Variants in PYGB observed in about 807,000 individuals in gnomAD.
The protein encoded by PYGB is glycogen phosphorylase, brain form.
In PYGB, 82 loss-of-function variants were observed where a neutral mutation model predicts 94.3. The ratio of observed to expected loss-of-function variants is 0.87; its 90% CI spans 0.73 to 1.04. PYGB has a LOEUF of 1.04. Among genes scored for constraint, PYGB ranks in the 50% least tolerant of loss-of-function variants. PYGB has a pLI of 0.00. For missense variants in PYGB, 1,132 were observed against 1,158.2 expected, an observed-to-expected ratio of 0.98 and a Z score of 0.33; for synonymous variants, 488 against 479.1, an observed-to-expected ratio of 1.02 and a Z score of -0.24.
At chr20:25,273,771 C>T (rs890008281) in intron 4 of PYGB, among the ~76,000 whole-genome samples, 4 of 152,194 alleles carry the variant, frequency 2.6e-5, no homozygotes, top group Non-Finnish European at 4.4e-5. Flanking sequence ...GCATCCAGGG[C>T]GTCCTCACTG....
Position 25,297,215 on chromosome 20 carries a change from T to C in PYGB, c.*693T>C, listed in dbSNP as rs200228766. ...GGGGACACTGGAGTGGGTGCTTGTG[T>C]CTGCTGTCTCAGAGGCCTTGGTCAG... On this transcript the variant is annotated 3_prime_UTR_variant, in exon 20 of 20. Coordinates refer to ENST00000216962, the MANE Select transcript of PYGB (RefSeq NM_002862.4). The C allele has an allele frequency of 6.6e-6, 1 of 152,368 alleles. No individual in the cohort carries two copies. The highest frequency in any genetic ancestry group is 1.5e-5 in the Non-Finnish European group (1 of 68,128). The allele number at this position is 152,368 out of a possible 1,614,324, so 9.4% of individuals were successfully genotyped here.
At position 25,248,450 on chromosome 20, in the gene PYGB, G is replaced by C. The variant is rs202094945; in HGVS notation, c.243+29G>C. The C allele has an allele frequency of 7.0e-5, 95 of 1,349,980 alleles. 1 individual carries two copies. The South Asian group carries it at 9.6e-4, about 14-fold the overall frequency. The allele number at this position is 1,349,980 out of a possible 1,614,324, so 83.6% of individuals were successfully genotyped here. A position where few individuals can be genotyped will look rare whatever the true frequency, so the allele number is the denominator to read the frequency against. On this transcript the variant is annotated intron_variant, in intron 1 of 19. Coordinates refer to ENST00000216962, the MANE Select transcript of PYGB (RefSeq NM_002862.4). ...AGGCGCTGCCCCGCCCTGTGCGCCC[G>C]TGCCCGCTGAGAGGGCGCCGGTCCC...
chr20:25,290,699 C>CA, intron 16 of PYGB, 77 bp downstream of exon 16: 1 of 1,548,582 alleles, frequency 6.5e-7, no homozygotes, highest in Non-Finnish European at 8.9e-7. Context: ...CCGGGCCTTT[C>CA]ATCCTCAGCC....
chr20:25,273,055 T>C (rs993499757), intron 4 of PYGB, among the ~76,000 whole-genome samples: 8 of 152,238 alleles, frequency 5.3e-5, no homozygotes, highest in Non-Finnish European at 1.0e-4. Flanking sequence ...TGGGAACTGT[T>C]CAGATTCAGT....
At position 25,248,106 on chromosome 20, in the gene PYGB, C is replaced by G; in HGVS notation, c.-73C>G. 6.9e-7 allele frequency: 1 copy of G among 1,447,374 alleles called. No homozygotes were observed. The highest frequency in any genetic ancestry group is 9.1e-7 in the Non-Finnish European group (1 of 1,101,040). The allele number at this position is 1,447,374 out of a possible 1,614,324, so 89.7% of individuals were successfully genotyped here. A position where few individuals can be genotyped will look rare whatever the true frequency, so the allele number is the denominator to read the frequency against. On this transcript the variant is annotated 5_prime_UTR_variant, in exon 1 of 20. Coordinates refer to ENST00000216962, the MANE Select transcript of PYGB (RefSeq NM_002862.4). ...CGCCAGAGCAGCGGCGCCAGAGCAG[C>G]TGCACCATCCCGGCGTTCGCGTGTG...
At chr20:25,284,464 A>G (rs2088399973) in intron 14 of PYGB, among the ~76,000 whole-genome samples, 1 of 152,096 alleles carries the variant, frequency 6.6e-6, no homozygotes, top group African/African-American at 2.4e-5. Flanking sequence ...ACAGTTAGAC[A>G]CCCGAAAGGC....
At chr20:25,252,883 G>A (rs1024823816) in intron 1 of PYGB, among the ~76,000 whole-genome samples, 2 of 151,854 alleles carry the variant, frequency 1.3e-5, no homozygotes, top group Non-Finnish European at 2.9e-5. Context: ...GGCGGGAGGG[G>A]TGGGCCTGAA....
At chr20:25,294,597 C>T in intron 18 of PYGB, 1 of 540,316 alleles carries the variant, frequency 1.9e-6, no homozygotes, top group Non-Finnish European at 3.3e-6. Flanking sequence ...GTCCCAGGGG[C>T]AGCCGTGTCC....
intron 15 of PYGB, among the ~76,000 whole-genome samples, chr20:25,289,443 G>A (rs1238620618): frequency 3.3e-5 from 5 of 152,170 alleles, no homozygotes; most frequent in African/African-American, 9.7e-5. Context: ...CCAGGAGTTC[G>A]AGACCAGCCT....
At chr20:25,288,584 G>C in intron 15 of PYGB, 101 bp downstream of exon 15, 2 of 1,387,750 alleles carry the variant, frequency 1.4e-6, no homozygotes, top group South Asian at 1.3e-5. Context: ...CCATACTCGG[G>C]AACCGGATGC....
intron 1 of PYGB, among the ~76,000 whole-genome samples, chr20:25,254,126 C>T (rs184834406): frequency 1.5e-4 from 23 of 150,896 alleles, no homozygotes; most frequent in Non-Finnish European, 1.9e-4. Context: ...CCCCCAAAAA[C>T]GGCAGTGAGT....
intron 1 of PYGB, among the ~76,000 whole-genome samples, chr20:25,254,794 T>C (rs769044579): frequency 6.6e-6 from 1 of 152,208 alleles, no homozygotes; most frequent in Non-Finnish European, 1.5e-5. Context: ...TAGTACTGAA[T>C]AGACTTTTTG....
rs139419813 is a variant in PYGB, at chr20:25,282,198, G to A, written c.1518+51G>A. 9,190 of 1,445,430 alleles carry A rather than the reference G, an allele frequency of 6.4e-3. 457 individuals are homozygous for A. In the Admixed American group the frequency reaches 0.11, roughly 18 times the overall value. 89.5% of individuals were successfully genotyped at this position (1,445,430 alleles called of 1,614,324 possible). ...TGTGGAGATGCCTGGGCTGAGAACC[G>A]CGGGCCATGTCATCAGCCCCTGCTG... On this transcript the variant is annotated intron_variant, in intron 12 of 19. Coordinates refer to ENST00000216962, the MANE Select transcript of PYGB (RefSeq NM_002862.4).
At chr20:25,275,591 A>G (rs767543755) in intron 5 of PYGB, among the ~76,000 whole-genome samples, 3 of 152,258 alleles carry the variant, frequency 2.0e-5, no homozygotes, top group Non-Finnish European at 4.4e-5. Context: ...GGGCCATGCC[A>G]TGGAGGCTGA....
intron 2 of PYGB, among the ~76,000 whole-genome samples, chr20:25,260,167 G>T (rs1290294209): frequency 6.6e-6 from 1 of 152,140 alleles, no homozygotes; most frequent in African/African-American, 2.4e-5. Context: ...ACTTCACTCC[G>T]CATGTTCGAA....
chr20:25,255,392 T>C (rs935610892), intron 1 of PYGB, among the ~76,000 whole-genome samples: 23 of 152,086 alleles, frequency 1.5e-4, no homozygotes, highest in Non-Finnish European at 7.4e-5. Flanking sequence ...GGTGGCCCCT[T>C]TGTGTCTGGA....
At position 25,297,973 on chromosome 20, in the gene PYGB, G is replaced by C. The variant is rs2088576271; in HGVS notation, c.*1451G>C. The C allele has an allele frequency of 6.6e-6, 1 of 152,384 alleles. No homozygotes were observed. Among genetic ancestry groups the C allele is most frequent in the Admixed American group, 6.5e-5 (1 of 15,300 alleles). 9.4% of individuals were successfully genotyped at this position (152,384 alleles called of 1,614,324 possible). A position where few individuals can be genotyped will look rare whatever the true frequency, so the allele number is the denominator to read the frequency against. On this transcript the variant is annotated 3_prime_UTR_variant, in exon 20 of 20. Transcript: ENST00000216962. Reference sequence around the variant, plus strand: ...GCCCCTCATTGTTACTGCCTTGTGAGATAAAAACTGATTAAACCTTTGTGG... The same window carrying C: ...GCCCCTCATTGTTACTGCCTTGTGACATAAAAACTGATTAAACCTTTGTGG...
At chr20:25,277,411 G>A in intron 7 of PYGB, 85 bp downstream of exon 7, 1 of 1,331,344 alleles carries the variant, frequency 7.5e-7, no homozygotes, top group Non-Finnish European at 1.1e-6. Context: ...GCTCCCCAGT[G>A]GGGCCTGCTG....
chr20:25,251,584 G>A lies in PYGB; in HGVS notation c.243+3163G>A, dbSNP rs149900886. Among the ~76,000 whole-genome samples, 206 of 152,320 alleles carry A rather than the reference G, an allele frequency of 1.4e-3. 1 individual carries two copies. The highest frequency in any genetic ancestry group is 4.7e-3 in the African/African-American group (194 of 41,568). On this transcript the variant is annotated intron_variant, in intron 1 of 19. Transcript: ENST00000216962. ...TGAGGGTTGGGGTGGGACAGTGAGG[G>A]TCAGGACACAAAACACAGACCAGGA...
Sources: gnomAD v4.1 joint callset for allele counts (sites outside exome capture counted in the v4.1 genomes callset) on GRCh38, gnomAD v4.1.1 for gene constraint, MANE v1.5 for transcripts, NCBI Gene and HGNC (gene_info 2026-07-23, HGNC 2026-07-21) for gene names.